Variants in MAP6 observed in about 807,000 individuals in gnomAD.
MAP6 encodes microtubule-associated protein 6.
MAP6 carries 26 observed loss-of-function variants against 42.4 expected under a neutral mutation model. The ratio of observed to expected loss-of-function variants is 0.61; its 90% CI spans 0.45 to 0.85. The LOEUF (loss-of-function observed/expected upper bound fraction) is 0.85, where lower values mean the gene tolerates loss of function less well. Among genes scored for constraint, MAP6 ranks in the 40% least tolerant of loss-of-function variants. The pLI is 0.00. For synonymous variants in MAP6, 418 were observed against 443.8 expected, an observed-to-expected ratio of 0.94 and a Z score of 0.73; for missense variants, 966 against 1,099.0, an observed-to-expected ratio of 0.88 and a Z score of 1.71.
chr11:75,657,267 C>G (rs971815134), intron 1 of MAP6, among the ~76,000 whole-genome samples: 1 of 152,116 alleles, frequency 6.6e-6, no homozygotes, highest in South Asian at 2.1e-4. Context: ...CCCACCACCA[C>G]GCCCAGCTAA....
chr11:75,612,681 G>T (rs779407586), intron 1 of MAP6, among the ~76,000 whole-genome samples: 15 of 152,198 alleles, frequency 9.9e-5, no homozygotes, highest in South Asian at 2.1e-4. Flanking sequence ...ATGTTTGGAA[G>T]CATGTGCTGT....
At chr11:75,621,850 TCGTCTCTACTAAAAATA>T (rs766709913) in intron 1 of MAP6, among the ~76,000 whole-genome samples, 7 of 151,940 alleles carry the variant, frequency 4.6e-5, no homozygotes, top group Non-Finnish European at 1.0e-4. Flanking sequence ...CGGGGAAACC[TCGTCTCTACTAAAAATA>T]CAAAAATTAG....
chr11:75,642,178 C>T (rs560270393), intron 1 of MAP6, among the ~76,000 whole-genome samples: 31 of 152,334 alleles, frequency 2.0e-4, no homozygotes, highest in South Asian at 4.1e-4. Context: ...TGTGCTTCTG[C>T]GCAGCTCTTC....
At position 75,668,807 on chromosome 11, in the gene MAP6, T is replaced by A. The variant is rs1429101439; in HGVS notation, c.-438A>T. The A allele has an allele frequency of 1.3e-5, 2 of 157,664 alleles. No homozygotes were observed. Among genetic ancestry groups the A allele is most frequent in the East Asian group, 1.9e-4 (1 of 5,264 alleles). 9.8% of individuals were successfully genotyped at this position (157,664 alleles called of 1,614,324 possible). Reference sequence around the variant, plus strand: ...GCAGGGTCCGCGGACCGGGCTCGAGTCTCCTTCCTGCCGGCGTCCTAGTGC... The same window carrying A: ...GCAGGGTCCGCGGACCGGGCTCGAGACTCCTTCCTGCCGGCGTCCTAGTGC... On this transcript the variant is annotated 5_prime_UTR_variant, in exon 1 of 4. Transcript: ENST00000304771.
chr11:75,656,386 A>G (rs1221081913), intron 1 of MAP6, among the ~76,000 whole-genome samples: 1 of 152,206 alleles, frequency 6.6e-6, no homozygotes, highest in African/African-American at 2.4e-5. Flanking sequence ...CTGACAGTGG[A>G]CTATGCTAAG....
At chr11:75,628,549 C>CT in intron 1 of MAP6, among the ~76,000 whole-genome samples, 1 of 152,332 alleles carries the variant, frequency 6.6e-6, no homozygotes, top group East Asian at 1.9e-4. Context: ...TAGAAGCCCA[C>CT]TGTAGGCATC....
intron 3 of MAP6, among the ~76,000 whole-genome samples, chr11:75,602,638 T>C (rs1175522806): frequency 6.6e-6 from 1 of 152,182 alleles, no homozygotes; most frequent in Non-Finnish European, 1.5e-5. Context: ...CACTACCTTT[T>C]TGGCCAGTGC....
At position 75,610,313 on chromosome 11, in the gene MAP6, T is replaced by G. The variant is rs530697818; in HGVS notation, c.906-1991A>C. The stretch of plus-strand genomic sequence containing the variant: ...TAGAACCAAATCGTCTTGTTTTCCC[T>G]GCCAAAAATTATTTTCTCCTCCTGG... On this transcript the variant is annotated intron_variant, in intron 1 of 3. Transcript: ENST00000304771. Among the ~76,000 whole-genome samples, 7 of 152,388 alleles carry G rather than the reference T, an allele frequency of 4.6e-5. No individual in the cohort carries two copies. The East Asian group carries it at 1.3e-3, about 29-fold the overall frequency.
chr11:75,620,852 C>A (rs1004087884), intron 1 of MAP6, among the ~76,000 whole-genome samples: 2 of 151,978 alleles, frequency 1.3e-5, no homozygotes, highest in Non-Finnish European at 2.9e-5. Flanking sequence ...TGTGACAGAC[C>A]GGGCACGGTG....
Position 75,606,874 on chromosome 11 carries a change from C to T in MAP6, c.1120-870G>A, listed in dbSNP as rs936513852. Among the ~76,000 whole-genome samples, 5 of 152,328 alleles carry T rather than the reference C, an allele frequency of 3.3e-5. No homozygotes were observed. In the South Asian group the frequency reaches 6.2e-4, roughly 19 times the overall value. ...TTGCCTGCTCTTTCTCAGGAAACTTCGGAGTCACTGAAAGTGACCCCTCAA... is the reference window on the plus strand; with the variant it reads ...TTGCCTGCTCTTTCTCAGGAAACTTTGGAGTCACTGAAAGTGACCCCTCAA... On this transcript the variant is annotated intron_variant, in intron 2 of 3. Transcript: ENST00000304771.
rs1411010538 is a variant in MAP6, at chr11:75,647,159, T to C, written c.905+20306A>G. 4.0e-5 allele frequency among the ~76,000 whole-genome samples: 6 copies of C among 151,752 alleles called. No homozygotes were observed. In the South Asian group the frequency reaches 8.4e-4, roughly 21 times the overall value. On this transcript the variant is annotated intron_variant, in intron 1 of 3. Coordinates refer to ENST00000304771, the MANE Select transcript of MAP6 (RefSeq NM_033063.2). Reference sequence around the variant, plus strand: ...CCAGGCCCAGCTAATTTTTGTATTTTTAGTAGAGACGATTTTTTTTTACCA... The same window carrying C: ...CCAGGCCCAGCTAATTTTTGTATTTCTAGTAGAGACGATTTTTTTTTACCA...
At chr11:75,635,247 C>A (rs1168639524) in intron 1 of MAP6, among the ~76,000 whole-genome samples, 2 of 152,310 alleles carry the variant, frequency 1.3e-5, no homozygotes, top group Middle Eastern at 3.4e-3. Flanking sequence ...TCACACCTCA[C>A]TTCCTGTGAA....
intron 1 of MAP6, among the ~76,000 whole-genome samples, chr11:75,622,543 G>A (rs1034946904): frequency 1.1e-4 from 16 of 152,208 alleles, no homozygotes; most frequent in African/African-American, 3.9e-4. Context: ...ACATTGTTAA[G>A]ATGGCAACTC....
At chr11:75,624,845 C>A (rs1174803419) in intron 1 of MAP6, among the ~76,000 whole-genome samples, 1 of 152,212 alleles carries the variant, frequency 6.6e-6, no homozygotes, top group Admixed American at 6.5e-5. Context: ...ACACTTTGCA[C>A]ACAGCAGGTG....
At chr11:75,590,233 T>TA (rs1205815118) in intron 3 of MAP6, among the ~76,000 whole-genome samples, 1 of 152,114 alleles carries the variant, frequency 6.6e-6, no homozygotes, top group South Asian at 2.1e-4. Flanking sequence ...AGCAGGAAAT[T>TA]GATTAGGTGT....
In MAP6 at chr11:75,664,903, G is replaced by A. The variant is rs375717598; in HGVS notation, c.905+2562C>T. 1.2e-3 allele frequency among the ~76,000 whole-genome samples: 186 copies of A among 151,274 alleles called. 1 individual carries two copies. The highest frequency in any genetic ancestry group is 4.2e-3 in the African/African-American group (173 of 41,268). ...TTATTCTGGAACAAAAAAAAAACCC[G>A]TTAAATTTCACATCAAATTTGTCAT... On this transcript the variant is annotated intron_variant, in intron 1 of 3. Transcript: ENST00000304771.
Position 75,668,514 on chromosome 11 carries a change from C to T in MAP6, c.-145G>A, listed in dbSNP as rs1944006043. On this transcript the variant is annotated 5_prime_UTR_variant, in exon 1 of 4. Coordinates refer to ENST00000304771, the MANE Select transcript of MAP6 (RefSeq NM_033063.2). ...GATCAGCCGGAGCTAGTTCGCCCTC[C>T]TCCCTCAGCGAGCACCCGGGGAGAG... is the stretch of plus-strand genomic sequence containing the variant. 2.4e-6 allele frequency: 3 copies of T among 1,242,844 alleles called. No homozygotes were observed. The highest frequency in any genetic ancestry group is 3.1e-6 in the Non-Finnish European group (3 of 959,260). 77.0% of individuals were successfully genotyped at this position (1,242,844 alleles called of 1,614,324 possible).
chr11:75,633,046 TAAA>T, intron 1 of MAP6, among the ~76,000 whole-genome samples: 1 of 151,792 alleles, frequency 6.6e-6, no homozygotes, highest in Non-Finnish European at 1.5e-5. Flanking sequence ...GACAGTATTT[TAAA>T]GGTACTAATA....
intron 1 of MAP6, among the ~76,000 whole-genome samples, chr11:75,651,074 A>G (rs1431828557): frequency 2.6e-5 from 4 of 152,154 alleles, no homozygotes; most frequent in Admixed American, 6.5e-5. Flanking sequence ...GCTGACACAG[A>G]GTAAATCAGC....
Sources: allele counts gnomAD v4.1 joint callset (sites outside exome capture counted in the v4.1 genomes callset), GRCh38; gene constraint gnomAD v4.1.1; transcripts MANE v1.5; gene names NCBI Gene and HGNC (gene_info 2026-07-23, HGNC 2026-07-21).